PLEKHM3: variants seen among roughly 807,000 people sequenced by gnomAD.
PLEKHM3 encodes the protein pleckstrin homology domain containing M3.
In PLEKHM3, 45 loss-of-function variants were observed where a neutral mutation model predicts 81.8. The observed-to-expected ratio is 0.55, with a 90% CI of 0.43 to 0.71. The LOEUF (loss-of-function observed/expected upper bound fraction) is 0.71, where lower values mean the gene tolerates loss of function less well. Ranked by LOEUF, PLEKHM3 falls within the 30% of genes least tolerant of loss-of-function variation. PLEKHM3 has a pLI of 0.00. For missense variants in PLEKHM3, 788 were observed against 924.3 expected (o/e 0.85, Z 1.91); for synonymous variants, 352 against 356.4 (o/e 0.99, Z 0.14).
chr2:207,931,643 T>C (rs1689601857), intron 4 of PLEKHM3, among the ~76,000 whole-genome samples: 1 of 152,250 alleles, frequency 6.6e-6, no homozygotes, highest in African/African-American at 2.4e-5. Context: ...TGTATGAATA[T>C]TCCATAACAC....
chr2:207,876,036 G>A (rs999782180), intron 6 of PLEKHM3, among the ~76,000 whole-genome samples: 2 of 152,194 alleles, frequency 1.3e-5, no homozygotes, highest in Non-Finnish European at 2.9e-5. Context: ...GGCATAGTCT[G>A]ATCCCATTAC....
intron 5 of PLEKHM3, among the ~76,000 whole-genome samples, chr2:207,928,479 G>T (rs1260980282): frequency 1.3e-5 from 2 of 152,248 alleles, no homozygotes; most frequent in Non-Finnish European, 2.9e-5. Flanking sequence ...ATAAGAAAGT[G>T]ATATTAATAA....
At chr2:207,894,344 C>T (rs1470713686) in intron 6 of PLEKHM3, among the ~76,000 whole-genome samples, 1 of 152,116 alleles carries the variant, frequency 6.6e-6, no homozygotes, top group African/African-American at 2.4e-5. Flanking sequence ...TTAGGGGTTA[C>T]AGCCTATCTG....
Position 207,917,513 on chromosome 2 carries a change from T to C in PLEKHM3, c.1887-8936A>G, listed in dbSNP as rs536476423. On this transcript the variant is annotated intron_variant, in intron 5 of 7. Coordinates refer to ENST00000427836, the MANE Select transcript of PLEKHM3 (RefSeq NM_001080475.3). The stretch of plus-strand genomic sequence containing the variant: ...ATTCCTCATATGCAGTTCAGAGACA[T>C]TGCAACTCCAGTCTGTGTAGATTGT... Among the ~76,000 whole-genome samples, 76 of 152,292 alleles carry C rather than the reference T, an allele frequency of 5.0e-4. 1 individual carries two copies. The highest frequency in any genetic ancestry group is 1.4e-3 in the African/African-American group (58 of 41,558).
chr2:207,902,110 C>T (rs1333099517), intron 6 of PLEKHM3, among the ~76,000 whole-genome samples: 2 of 152,108 alleles, frequency 1.3e-5, no homozygotes, highest in Admixed American at 6.6e-5. Context: ...ACTGGTGACT[C>T]GGTTGTGGGC....
chr2:207,988,501 C>A (rs1314273196), intron 2 of PLEKHM3, among the ~76,000 whole-genome samples: 1 of 152,156 alleles, frequency 6.6e-6, no homozygotes, highest in Non-Finnish European at 1.5e-5. Context: ...CTGTTTCAGC[C>A]TTTTAGTATC....
At chr2:207,907,507 C>T (rs954142706) in intron 6 of PLEKHM3, among the ~76,000 whole-genome samples, 5 of 149,632 alleles carry the variant, frequency 3.3e-5, no homozygotes, top group South Asian at 2.1e-4. Flanking sequence ...GTCTCACAAA[C>T]GAAAGGAAAA....
chr2:207,959,294 A>G (rs557370894), intron 3 of PLEKHM3, among the ~76,000 whole-genome samples: 3 of 152,246 alleles, frequency 2.0e-5, no homozygotes, highest in Admixed American at 2.0e-4. Flanking sequence ...ATTTAGCATT[A>G]TATTAAACCA....
intron 4 of PLEKHM3, among the ~76,000 whole-genome samples, chr2:207,934,922 C>G (rs1689698617): frequency 2.0e-5 from 3 of 152,070 alleles, no homozygotes; most frequent in Admixed American, 1.3e-4. Flanking sequence ...CTGGTATGCT[C>G]CCCCACAAAA....
intron 7 of PLEKHM3, 132 bp from the exon 8 acceptor site, chr2:207,828,628 A>C: frequency 1.3e-6 from 1 of 789,390 alleles, no homozygotes. Context: ...GGGAAGGGAG[A>C]TGACTCACTG....
At chr2:207,917,856 C>A in intron 5 of PLEKHM3, among the ~76,000 whole-genome samples, 1 of 152,010 alleles carries the variant, frequency 6.6e-6, no homozygotes, top group Non-Finnish European at 1.5e-5. Flanking sequence ...AAAAATTCTG[C>A]CCTAAGAGAC....
chr2:207,924,322 C>T (rs566776277), intron 5 of PLEKHM3, among the ~76,000 whole-genome samples: 1 of 152,216 alleles, frequency 6.6e-6, no homozygotes, highest in South Asian at 2.1e-4. Flanking sequence ...CTGGGCCAAA[C>T]GTTGTCACCT....
chr2:207,972,586 C>CA (rs35602924), intron 3 of PLEKHM3, among the ~76,000 whole-genome samples: 4,522 of 59,136 alleles, frequency 0.076, 141 homozygotes, highest in African/African-American at 0.14. Context: ...GACTCCGTCT[C>CA]AAAAAAAAAA....
chr2:207,893,027 T>C (rs1361987260), intron 6 of PLEKHM3, among the ~76,000 whole-genome samples: 1 of 152,214 alleles, frequency 6.6e-6, no homozygotes, highest in Non-Finnish European at 1.5e-5. Flanking sequence ...GACCACTGCA[T>C]GTCTCACTTT....
chr2:208,007,298 G>T (rs1692525890), intron 1 of PLEKHM3, among the ~76,000 whole-genome samples: 2 of 152,220 alleles, frequency 1.3e-5, no homozygotes, highest in Non-Finnish European at 2.9e-5. Context: ...GTGGCCGACT[G>T]AGAATTTTCT....
intron 4 of PLEKHM3, among the ~76,000 whole-genome samples, chr2:207,934,835 A>G (rs1162794860): frequency 6.6e-6 from 1 of 152,254 alleles, no homozygotes; most frequent in East Asian, 1.9e-4. Context: ...GACTTTTGTT[A>G]CGCTAGTGAC....
rs560092528 is a variant in PLEKHM3, at chr2:207,880,209, C to T, written c.1951-18947G>A. 3.9e-5 allele frequency among the ~76,000 whole-genome samples: 6 copies of T among 152,080 alleles called. No individual in the cohort carries two copies. The South Asian group carries it at 1.2e-3, about 32-fold the overall frequency. On this transcript the variant is annotated intron_variant, in intron 6 of 7. Transcript: ENST00000427836. ...ATCACTTGAGGCCAGGAGTTCGAGA[C>T]CAGCCTGGCCAACATGGCAAAACCC...
chr2:207,986,958 G>C (rs1255885296), intron 2 of PLEKHM3, among the ~76,000 whole-genome samples: 1 of 151,758 alleles, frequency 6.6e-6, no homozygotes, highest in Non-Finnish European at 1.5e-5. Flanking sequence ...GGAATTACAG[G>C]TGTGAGCCAC....
At chr2:207,912,709 C>T (rs1191878875) in intron 5 of PLEKHM3, among the ~76,000 whole-genome samples, 2 of 152,224 alleles carry the variant, frequency 1.3e-5, no homozygotes, top group African/African-American at 2.4e-5. Flanking sequence ...TATAGTAATG[C>T]TTTTTAATGT....
Sources: gnomAD v4.1 joint callset for allele counts (sites outside exome capture counted in the v4.1 genomes callset) on GRCh38, gnomAD v4.1.1 for gene constraint, MANE v1.5 for transcripts, NCBI Gene and HGNC (gene_info 2026-07-23, HGNC 2026-07-21) for gene names.